The following ZDHHC7 variants were observed in gnomAD, a reference collection of about 807,000 sequenced individuals.
ZDHHC7 encodes palmitoyltransferase ZDHHC7.
Under a neutral mutation model 34.1 loss-of-function variants are expected in ZDHHC7, and 12 were observed. The observed-to-expected ratio is 0.35, with a 90% CI of 0.23 to 0.57. The LOEUF (loss-of-function observed/expected upper bound fraction) is 0.57, where lower values mean the gene tolerates loss of function less well. Among genes scored for constraint, ZDHHC7 ranks in the 20% least tolerant of loss-of-function variants. The probability of loss-of-function intolerance (pLI) is 0.84; values close to 1 mark genes in which losing one functional copy is unlikely to be tolerated. For synonymous variants in ZDHHC7, 185 were observed against 155.4 expected, an observed-to-expected ratio of 1.19 and a Z score of -1.42; for missense variants, 388 against 402.7, an observed-to-expected ratio of 0.96 and a Z score of 0.31.
chr16:84,986,380 A>T (rs978884091), intron 3 of ZDHHC7, among the ~76,000 whole-genome samples: 1 of 152,222 alleles, frequency 6.6e-6, no homozygotes. Context: ...CACTGCTGTG[A>T]CGGTGGGAGG....
chr16:84,984,068 G>C (rs577890698), intron 3 of ZDHHC7, among the ~76,000 whole-genome samples: 1 of 148,698 alleles, frequency 6.7e-6, no homozygotes, highest in East Asian at 2.0e-4. Context: ...TGCCCAGGCT[G>C]GAGTGCAGTG....
chr16:85,001,978 T>C (rs2072659142), intron 1 of ZDHHC7, among the ~76,000 whole-genome samples: 2 of 151,954 alleles, frequency 1.3e-5, no homozygotes, highest in Non-Finnish European at 2.9e-5. Context: ...CAGAGAATAA[T>C]GAAGTGTTCA....
At chr16:84,978,293 CT>C (rs1234323389) in intron 5 of ZDHHC7, among the ~76,000 whole-genome samples, 1 of 152,120 alleles carries the variant, frequency 6.6e-6, no homozygotes, top group Non-Finnish European at 1.5e-5. Context: ...CAGTTAGTAA[CT>C]TAAACAAGTC....
At chr16:84,976,827 A>AAGGC (rs1025157511) in intron 7 of ZDHHC7, among the ~76,000 whole-genome samples, 1 of 152,214 alleles carries the variant, frequency 6.6e-6, no homozygotes, top group African/African-American at 2.4e-5. Flanking sequence ...CCAGGCCCTA[A>AAGGC]AGGCAGTCAG....
At chr16:84,989,783 A>AT (rs2072484368) in intron 3 of ZDHHC7, among the ~76,000 whole-genome samples, 1 of 151,982 alleles carries the variant, frequency 6.6e-6, no homozygotes, top group Non-Finnish European at 1.5e-5. Flanking sequence ...AACCCAGTAG[A>AT]TTTTAAATTG....
the ZDHHC7 span, among the ~76,000 whole-genome samples, chr16:85,016,864 A>G: frequency 4.3e-4 from 65 of 152,324 alleles, no homozygotes; most frequent in African/African-American, 1.4e-3. Flanking sequence ...GTCTTCTGCC[A>G]GTCATTTCCC....
chr16:84,987,034 GCCCTTCTT>G (rs1176256329), intron 3 of ZDHHC7, among the ~76,000 whole-genome samples: 1 of 152,200 alleles, frequency 6.6e-6, no homozygotes, highest in Non-Finnish European at 1.5e-5. Flanking sequence ...TCTGAGGACT[GCCCTTCTT>G]CCCTGGGCAG....
chr16:84,987,846 G>A (rs1231925867), intron 3 of ZDHHC7, among the ~76,000 whole-genome samples: 1 of 152,146 alleles, frequency 6.6e-6, no homozygotes, highest in East Asian at 1.9e-4. Context: ...AGGCACAAAA[G>A]GCCACAGACG....
At chr16:84,996,162 C>T (rs1597552204) in intron 1 of ZDHHC7, among the ~76,000 whole-genome samples, 155 bp from the exon 2 acceptor site, 1 of 152,172 alleles carries the variant, frequency 6.6e-6, no homozygotes, top group East Asian at 1.9e-4. Context: ...CATTGCTCTT[C>T]TAAGTTTTGA....
At chr16:85,011,879 C>G (rs954692308), upstream of ZDHHC7, among the ~76,000 whole-genome samples, 1 of 152,102 alleles carries the variant, frequency 6.6e-6, no homozygotes, top group African/African-American at 2.4e-5. Flanking sequence ...GGGGATGTGA[C>G]CGAAGGAAAT....
At chr16:84,992,689 G>A (rs1173395558) in intron 2 of ZDHHC7, among the ~76,000 whole-genome samples, 1 of 152,148 alleles carries the variant, frequency 6.6e-6, no homozygotes, top group East Asian at 1.9e-4. Context: ...TCTCAGAGCA[G>A]GAGCGCTCCT....
Position 84,976,152 on chromosome 16 carries a change from A to G in ZDHHC7, c.*191T>C. The G allele has an allele frequency of 1.4e-6, 1 of 695,486 alleles. No homozygotes were observed. The highest frequency in any genetic ancestry group is 3.2e-5 in the Admixed American group (1 of 31,016). The allele number at this position is 695,486 out of a possible 1,614,324, so 43.1% of individuals were successfully genotyped here. A position where few individuals can be genotyped will look rare whatever the true frequency, so the allele number is the denominator to read the frequency against. ...TGGCCACACACCTTTCCGTTGTTGT[A>G]CAGGTGGGGACTGAGAGCCTCTTCC... On this transcript the variant is annotated 3_prime_UTR_variant, in exon 8 of 8. Coordinates refer to ENST00000313732, the MANE Select transcript of ZDHHC7 (RefSeq NM_017740.3).
At chr16:85,007,197 G>A (rs1439760041) in intron 1 of ZDHHC7, among the ~76,000 whole-genome samples, 2 of 152,010 alleles carry the variant, frequency 1.3e-5, no homozygotes, top group Non-Finnish European at 2.9e-5. Flanking sequence ...GCCAAGGCAG[G>A]TGGATCACCT....
At chr16:85,018,651 T>C in the ZDHHC7 span, among the ~76,000 whole-genome samples, 1 of 152,070 alleles carries the variant, frequency 6.6e-6, no homozygotes. Flanking sequence ...ATCTCCATGT[T>C]GGTCAGGCTG....
At chr16:85,008,117 G>A (rs1243975495) in intron 1 of ZDHHC7, among the ~76,000 whole-genome samples, 1 of 151,930 alleles carries the variant, frequency 6.6e-6, no homozygotes, top group East Asian at 1.9e-4. Flanking sequence ...CCCTCTCAAA[G>A]CAAACAAACA....
chr16:84,977,082 G>A lies in ZDHHC7; in HGVS notation c.750+13C>T, dbSNP rs755169459. ...CCACATATGAAGTCCACACAGCCGA[G>A]AACAAAGCTTACCGTCTCGTCGTTG... On this transcript the variant is annotated intron_variant, in intron 7 of 7. Transcript: ENST00000313732. 1.4e-5 allele frequency: 22 copies of A among 1,613,948 alleles called. No individual in the cohort carries two copies. The South Asian group carries it at 1.4e-4, about 10-fold the overall frequency.
rs764736020 is a variant in ZDHHC7, at chr16:84,979,227, C to T, written c.499G>A (p.Val167Ile). Residue 167 changes from valine (V) to isoleucine (I), a missense_variant, in exon 5 of 8, where the codon GTA becomes ATA. By Grantham distance (29) the Val-to-Ile change is conservative (BLOSUM62 3). Transcript: ENST00000313732. ...AAAAATCTTTGATTCTTTTCTCCTACACAATTGTTCACCCACGGGCAGTGA... is the reference window on the plus strand; with the variant it reads ...AAAAATCTTTGATTCTTTTCTCCTATACAATTGTTCACCCACGGGCAGTGA... ...DHHCPWVNNCVGEKNQRFFVL... is the reference protein window; with the variant it reads ...DHHCPWVNNCIGEKNQRFFVL... 2.5e-6 allele frequency: 4 copies of T among 1,606,442 alleles called. No individual in the cohort carries two copies. The highest frequency in any genetic ancestry group is 3.4e-6 in the Non-Finnish European group (4 of 1,178,520).
At position 84,974,874 on chromosome 16, in the gene ZDHHC7, A is replaced by G. The variant is rs1229391511; in HGVS notation, c.*1469T>C. 1 of 152,704 alleles carries G rather than the reference A, an allele frequency of 6.5e-6. No homozygotes were observed. The highest frequency in any genetic ancestry group is 1.5e-5 in the Non-Finnish European group (1 of 68,066). The allele number at this position is 152,704 out of a possible 1,614,324, so 9.5% of individuals were successfully genotyped here. A position where few individuals can be genotyped will look rare whatever the true frequency, so the allele number is the denominator to read the frequency against. On this transcript the variant is annotated 3_prime_UTR_variant, in exon 8 of 8. Coordinates refer to ENST00000313732, the MANE Select transcript of ZDHHC7 (RefSeq NM_017740.3). ...TGTGGTTTTGCATCAGCAGTGGTAG[A>G]AGCCCTGATTCGGATGGGGTACAGA...
rs2072489272 is a variant in ZDHHC7 at position 84,990,153 on chromosome 16, A to C, written c.315+151T>G. On this transcript the variant is annotated intron_variant, in intron 3 of 7. Transcript: ENST00000313732. Reference sequence around the variant, plus strand: ...CTATGTTTATTCTCAGCCTAAAGGGAATCTGCTCCCAAAATGAGCTCAATC... The same window carrying C: ...CTATGTTTATTCTCAGCCTAAAGGGCATCTGCTCCCAAAATGAGCTCAATC... 7 of 905,952 alleles carry C rather than the reference A, an allele frequency of 7.7e-6. No homozygotes were observed. The Admixed American group carries it at 8.5e-5, about 11-fold the overall frequency. The allele number at this position is 905,952 out of a possible 1,614,324, so 56.1% of individuals were successfully genotyped here.
Sources: allele counts gnomAD v4.1 joint callset (sites outside exome capture counted in the v4.1 genomes callset), GRCh38; gene constraint gnomAD v4.1.1; transcripts MANE v1.5; gene names NCBI Gene and HGNC (gene_info 2026-07-23, HGNC 2026-07-21).